The following STOX2 variants were observed in gnomAD, a reference collection of about 807,000 sequenced individuals.
The protein encoded by STOX2 is storkhead-box protein 2.
Under a neutral mutation model 60.9 loss-of-function variants are expected in STOX2, and 28 were observed. That is an observed-to-expected ratio of 0.46 (90% CI 0.34 to 0.63). The LOEUF (loss-of-function observed/expected upper bound fraction) is 0.63, where lower values mean the gene tolerates loss of function less well. STOX2 is among the 30% of genes least tolerant of loss of function. The pLI is 0.01. For synonymous variants in STOX2, 472 were observed against 463.9 expected, an observed-to-expected ratio of 1.02 and a Z score of -0.22; for missense variants, 1,024 against 1,187.7, an observed-to-expected ratio of 0.86 and a Z score of 2.03.
chr4:183,894,635 T>C (rs563801098), intron 1 of STOX2, among the ~76,000 whole-genome samples: 2 of 152,314 alleles, frequency 1.3e-5, no homozygotes, highest in South Asian at 4.1e-4. Flanking sequence ...ATGATTTTAA[T>C]TGTTCCTGTA....
In STOX2 at chr4:184,009,113, T is replaced by G; in HGVS notation, c.320-45T>G. 2 of 1,378,426 alleles carry G rather than the reference T, an allele frequency of 1.5e-6. No individual in the cohort carries two copies. The highest frequency in any genetic ancestry group is 2.0e-6 in the Non-Finnish European group (2 of 1,025,562). 85.4% of individuals were successfully genotyped at this position (1,378,426 alleles called of 1,614,324 possible). On this transcript the variant is annotated intron_variant, in intron 2 of 3. Transcript: ENST00000308497. This position sits in a 1 kb window ranked among gnomAD's most constrained non-coding sequence, Gnocchi z 4.0. ...ATCCTGGAAATCAGGAATCCACATG[T>G]TCTGTCTTCATTCTCACAAGTGGTT...
intron 1 of STOX2, among the ~76,000 whole-genome samples, chr4:183,983,340 G>C (rs2111190703): frequency 6.6e-6 from 1 of 152,218 alleles, no homozygotes; most frequent in South Asian, 2.1e-4. Context: ...GAATGACATA[G>C]ATGCTGATGT....
chr4:184,011,542 G>C lies in STOX2; in HGVS notation c.2585+119G>C. The C allele has an allele frequency of 1.3e-6, 2 of 1,561,610 alleles. No individual in the cohort carries two copies. The highest frequency in any genetic ancestry group is 8.7e-7 in the Non-Finnish European group (1 of 1,154,788). On this transcript the variant is annotated intron_variant, in intron 3 of 3. Coordinates refer to ENST00000308497, the MANE Select transcript of STOX2 (RefSeq NM_020225.3). The surrounding 1 kb of genome is among the most constrained non-coding windows in gnomAD (Gnocchi z 4.4). ...GTTCTATGGATGAGGGTTAAGAGTT[G>C]TATGAGTTGTATTGTTAACAATCTG... is the stretch of plus-strand genomic sequence containing the variant.
At chr4:184,013,778 G>T (rs567735175) in intron 3 of STOX2, among the ~76,000 whole-genome samples, 10 of 152,132 alleles carry the variant, frequency 6.6e-5, no homozygotes, top group Non-Finnish European at 1.3e-4. Context: ...ATTGCTGCGA[G>T]ACATGGGAAT....
chr4:183,877,886 C>T (rs181546258), intron 1 of STOX2, among the ~76,000 whole-genome samples: 13 of 152,168 alleles, frequency 8.5e-5, no homozygotes, highest in African/African-American at 3.1e-4. Flanking sequence ...GACGGGGTCT[C>T]ACCCTGTTGG....
At chr4:183,802,878 T>C (rs1738799972) in intron 1 of STOX2, among the ~76,000 whole-genome samples, 1 of 152,132 alleles carries the variant, frequency 6.6e-6, no homozygotes, top group Non-Finnish European at 1.5e-5. Context: ...GCCTTGGCCT[T>C]CCAAAGTGCT....
chr4:183,800,019 G>A (rs990141208), intron 1 of STOX2, among the ~76,000 whole-genome samples: 1 of 152,168 alleles, frequency 6.6e-6, no homozygotes, highest in Non-Finnish European at 1.5e-5. Context: ...GAGCAGGGGT[G>A]ATACCTGCTG....
At chr4:183,991,293 C>T (rs1266251541) in intron 1 of STOX2, among the ~76,000 whole-genome samples, 1 of 152,146 alleles carries the variant, frequency 6.6e-6, no homozygotes, top group Non-Finnish European at 1.5e-5. Context: ...TAAGGAAGAC[C>T]TCTGCACTCT....
intron 1 of STOX2, among the ~76,000 whole-genome samples, chr4:183,801,758 T>C (rs1738768821): frequency 6.6e-6 from 1 of 151,558 alleles, no homozygotes; most frequent in Admixed American, 6.6e-5. Context: ...GATAAGACAA[T>C]GGAAAGGTGG....
At chr4:184,007,045 A>AAAAAAC (rs1553987519) in intron 2 of STOX2, among the ~76,000 whole-genome samples, 47 of 118,462 alleles carry the variant, frequency 4.0e-4, no homozygotes, top group African/African-American at 8.5e-4. Flanking sequence ...AAACAAAAAA[A>AAAAAAC]AAATTTTGTT....
chr4:183,799,185 A>T (rs936301389), intron 1 of STOX2, among the ~76,000 whole-genome samples: 11 of 152,134 alleles, frequency 7.2e-5, no homozygotes, highest in Non-Finnish European at 1.6e-4. Flanking sequence ...TTTGGCAGAG[A>T]AGAGATCTTT....
intron 1 of STOX2, among the ~76,000 whole-genome samples, chr4:183,954,222 C>T (rs772504308): frequency 1.3e-5 from 2 of 152,198 alleles, no homozygotes; most frequent in Non-Finnish European, 2.9e-5. Flanking sequence ...TCAAAAAGGT[C>T]TCACTGGCGG....
chr4:183,802,172 T>G (rs1290265703), intron 1 of STOX2, among the ~76,000 whole-genome samples: 2 of 152,252 alleles, frequency 1.3e-5, no homozygotes, highest in Non-Finnish European at 2.9e-5. Flanking sequence ...ACTTTACACT[T>G]TCCCATTTGA....
intron 1 of STOX2, among the ~76,000 whole-genome samples, chr4:183,817,003 G>A (rs926444922): frequency 3.3e-5 from 5 of 152,176 alleles, no homozygotes; most frequent in Admixed American, 6.5e-5. Context: ...CTCAGATCAC[G>A]TCATCATTTT....
At chr4:183,897,805 T>C (rs532254251) in intron 1 of STOX2, among the ~76,000 whole-genome samples, 1 of 152,332 alleles carries the variant, frequency 6.6e-6, no homozygotes, top group Admixed American at 6.5e-5. Context: ...TCCAGCCTTA[T>C]CAGAAAAGAT....
At chr4:183,932,012 C>G (rs1054957292) in intron 1 of STOX2, among the ~76,000 whole-genome samples, 1 of 151,938 alleles carries the variant, frequency 6.6e-6, no homozygotes, top group Non-Finnish European at 1.5e-5. Context: ...AAGGAGACAG[C>G]GTGGAGCAGG....
At chr4:183,832,683 T>G (rs929757095) in intron 1 of STOX2, among the ~76,000 whole-genome samples, 1 of 151,716 alleles carries the variant, frequency 6.6e-6, no homozygotes, top group East Asian at 2.0e-4. Context: ...TAGAGACAGG[T>G]TTTACCATGT....
intron 1 of STOX2, among the ~76,000 whole-genome samples, chr4:183,913,210 G>A (rs1273691408): frequency 6.6e-6 from 1 of 152,192 alleles, no homozygotes; most frequent in Non-Finnish European, 1.5e-5. Context: ...AAATGAAAAT[G>A]GGTGTGTGAA....
intron 1 of STOX2, among the ~76,000 whole-genome samples, chr4:183,847,647 G>A (rs559426514): frequency 1.3e-5 from 2 of 152,254 alleles, no homozygotes; most frequent in African/African-American, 4.8e-5. Context: ...AACTGGATAG[G>A]AGGATCCTGG....
Sources: allele counts gnomAD v4.1 joint callset (sites outside exome capture counted in the v4.1 genomes callset), GRCh38; gene constraint gnomAD v4.1.1; non-coding constraint Gnocchi (gnomAD v3.1); transcripts MANE v1.5; gene names NCBI Gene and HGNC (gene_info 2026-07-23, HGNC 2026-07-21).